The following ERICH6 variants were observed in gnomAD, a reference collection of about 807,000 sequenced individuals.
ERICH6 encodes glutamate rich 6.
ERICH6 carries 71 observed loss-of-function variants against 71.0 expected under a neutral mutation model. The ratio of observed to expected loss-of-function variants is 1.00; its 90% confidence interval spans 0.83 to 1.22. The LOEUF (loss-of-function observed/expected upper bound fraction) is 1.22. ERICH6 is among the 50% of genes most tolerant of loss of function. ERICH6 has a pLI of 0.00. For missense variants in ERICH6, 808 were observed against 797.2 expected (o/e 1.01, Z -0.16); for synonymous variants, 262 against 278.4 (o/e 0.94, Z 0.59).
At chr3:150,675,130 C>CA (rs919995888) in intron 10 of ERICH6, among the ~76,000 whole-genome samples, 11 of 151,592 alleles carry the variant, frequency 7.3e-5, no homozygotes, top group African/African-American at 2.4e-4. Flanking sequence ...AAGACTGTCT[C>CA]AAAAAAAATA....
chr3:150,673,431 C>T (rs1327742048), intron 11 of ERICH6, among the ~76,000 whole-genome samples: 1 of 152,126 alleles, frequency 6.6e-6, no homozygotes, highest in Non-Finnish European at 1.5e-5. Context: ...TCAAGTAATC[C>T]TCCTGCCTCA....
intron 2 of ERICH6, 91 bp from the exon 3 acceptor site, chr3:150,698,973 G>T: frequency 2.7e-6 from 2 of 744,542 alleles, no homozygotes; most frequent in South Asian, 1.8e-5. Context: ...ATTAATTAAT[G>T]CACGTAGAAA....
At chr3:150,661,453 A>G (rs1399311445) in intron 13 of ERICH6, among the ~76,000 whole-genome samples, 1 of 152,252 alleles carries the variant, frequency 6.6e-6, no homozygotes, top group Non-Finnish European at 1.5e-5. Flanking sequence ...AATTGAACAC[A>G]CAACTGAGAA....
rs115528748 is a variant in ERICH6 at position 150,680,237 on chromosome 3, T to C, written c.1111+231A>G. ...AAAAATTTTTCAATACTACTACTTA[T>C]TATTATTTTTCATAGAGACAGGATC... On this transcript the variant is annotated intron_variant, in intron 9 of 13. Coordinates refer to ENST00000295910, the MANE Select transcript of ERICH6 (RefSeq NM_152394.5). Among the ~76,000 whole-genome samples, 785 of 152,312 alleles carry C rather than the reference T, an allele frequency of 5.2e-3. 1 individual carries two copies. Among genetic ancestry groups the C allele is most frequent in the Middle Eastern group, 0.01 (3 of 294 alleles).
At chr3:150,665,063 G>A (rs1704217197) in intron 13 of ERICH6, among the ~76,000 whole-genome samples, 1 of 152,062 alleles carries the variant, frequency 6.6e-6, no homozygotes. Flanking sequence ...TTTTGTGTAA[G>A]AATGTATTTA....
intron 8 of ERICH6, 21 bp from the exon 9 acceptor site, chr3:150,680,559 A>G: frequency 6.2e-7 from 1 of 1,613,752 alleles, no homozygotes; most frequent in Non-Finnish European, 8.5e-7. Context: ...AGAAAACATC[A>G]GGCATAAATC....
rs771166785 is a variant in ERICH6, at chr3:150,682,301, TCTC to T, written c.796_798del (p.Glu266del). 2.5e-5 allele frequency: 40 copies of T among 1,613,002 alleles called. No individual in the cohort carries two copies. The highest frequency in any genetic ancestry group is 3.1e-5 in the Non-Finnish European group (37 of 1,179,954). ...CCACAAAATTCACATTTGGGTGATGTCTCCTCCTCTTCATCCTTCAGAGAGAGA... is the reference window on the plus strand; with the variant it reads ...CCACAAAATTCACATTTGGGTGATGTCTCCTCTTCATCCTTCAGAGAGAGA... On this transcript the variant is annotated inframe_deletion, in exon 7 of 14. Transcript: ENST00000295910.
chr3:150,686,552 T>C (rs1049244165), intron 3 of ERICH6, among the ~76,000 whole-genome samples, 198 bp from the exon 4 acceptor site: 1 of 152,204 alleles, frequency 6.6e-6, no homozygotes, highest in East Asian at 1.9e-4. Context: ...ATATATCACA[T>C]TTTAAAATGT....
intron 10 of ERICH6, among the ~76,000 whole-genome samples, chr3:150,677,043 C>T (rs948351045): frequency 1.3e-5 from 2 of 152,126 alleles, no homozygotes; most frequent in African/African-American, 4.8e-5. Flanking sequence ...AACTCCTGAG[C>T]TCACACATTC....
chr3:150,696,252 G>A (rs1712653963), intron 3 of ERICH6, among the ~76,000 whole-genome samples: 1 of 92,328 alleles, frequency 1.1e-5, no homozygotes, highest in Non-Finnish European at 2.9e-5. Flanking sequence ...CAAAATTTGG[G>A]GGAAAAGGAT....
At chr3:150,683,286 G>A (rs568369423) in intron 6 of ERICH6, among the ~76,000 whole-genome samples, 9 of 152,310 alleles carry the variant, frequency 5.9e-5, no homozygotes, top group South Asian at 2.1e-4. Flanking sequence ...GTGAAGTCTC[G>A]CACTAGAGAG....
At chr3:150,672,255 T>TTATATATATATATATATA (rs929327217) in intron 11 of ERICH6, among the ~76,000 whole-genome samples, 5 of 82,120 alleles carry the variant, frequency 6.1e-5, no homozygotes, top group African/African-American at 3.0e-4. Context: ...AAGAATCCAT[T>TTATATATATATATATATA]TATATATACA....
rs181412517 is a variant in ERICH6 at position 150,689,252 on chromosome 3, C to G, written c.554-2898G>C. Among the ~76,000 whole-genome samples, 49 of 152,106 alleles carry G rather than the reference C, an allele frequency of 3.2e-4. 1 individual carries two copies. Among genetic ancestry groups the G allele is most frequent in the African/African-American group, 1.2e-3 (48 of 41,526 alleles). ...CAAGGAAGTCATTTTTTTCCTGCTT[C>G]CATGACAATAGAAGGCAGGTAACTA... On this transcript the variant is annotated intron_variant, in intron 3 of 13. Transcript: ENST00000295910.
intron 13 of ERICH6, 56 bp from the exon 14 acceptor site, chr3:150,660,211 G>A (rs749413993): frequency 1.3e-5 from 20 of 1,575,470 alleles, no homozygotes; most frequent in Non-Finnish European, 1.6e-5. Context: ...GAACTGGGGA[G>A]GTGGGAGGAG....
At chr3:150,689,236 C>CA (rs1559918788) in intron 3 of ERICH6, among the ~76,000 whole-genome samples, 1 of 120,606 alleles carries the variant, frequency 8.3e-6, no homozygotes, top group Non-Finnish European at 2.0e-5. Flanking sequence ...TCAAGGAAGT[C>CA]ATTTTTTTCC....
intron 1 of ERICH6, among the ~76,000 whole-genome samples, chr3:150,702,819 T>G (rs9824030): frequency 0.36 from 43,327 of 120,502 alleles, 7,493 homozygotes; most frequent in East Asian, 0.58. Flanking sequence ...CAAAAGAGAG[T>G]TGTTTTTTTT....
At chr3:150,697,588 C>G (rs376930472) in intron 3 of ERICH6, among the ~76,000 whole-genome samples, 32 of 152,228 alleles carry the variant, frequency 2.1e-4, no homozygotes, top group African/African-American at 7.7e-4. Flanking sequence ...TCATTTGAGC[C>G]TGTTGATCAT....
intron 1 of ERICH6, among the ~76,000 whole-genome samples, chr3:150,702,821 G>GTT (rs71138466): frequency 9.4e-4 from 128 of 135,924 alleles, no homozygotes; most frequent in Admixed American, 1.0e-3. Context: ...AAAGAGAGTT[G>GTT]TTTTTTTTTT....
intron 11 of ERICH6, 109 bp downstream of exon 11, chr3:150,673,847 C>T (rs1711553816): frequency 3.1e-6 from 3 of 969,548 alleles, no homozygotes; most frequent in South Asian, 1.5e-5. Context: ...TCCCAAAGTG[C>T]TGGCATTACA....
Sources: allele counts gnomAD v4.1 joint callset (sites outside exome capture counted in the v4.1 genomes callset), GRCh38; gene constraint gnomAD v4.1.1; transcripts MANE v1.5; gene names NCBI Gene and HGNC (gene_info 2026-07-23, HGNC 2026-07-21).